Variants in PLAAT3 observed in about 807,000 individuals in gnomAD.
The protein encoded by PLAAT3 is Ca-independent phospholipase A1/2.
In PLAAT3, 21 loss-of-function variants were observed where a neutral mutation model predicts 16.7. The ratio of observed to expected loss-of-function variants is 1.26; its 90% CI spans 0.89 to 1.81. PLAAT3 has a LOEUF of 1.81. Among genes scored for constraint, PLAAT3 ranks in the 40% most tolerant of loss-of-function variants. The probability of loss-of-function intolerance (pLI) is 0.00; values close to 1 mark genes in which losing one functional copy is unlikely to be tolerated. For synonymous variants in PLAAT3, 76 were observed against 81.7 expected (o/e 0.93, Z 0.38); for missense variants, 219 against 213.7 (o/e 1.02, Z -0.16).
chr11:63,590,160 G>T lies in PLAAT3; in HGVS notation c.327C>A (p.Thr109=). 5.6e-6 allele frequency: 9 copies of T among 1,614,182 alleles called. No homozygotes were observed. Among genetic ancestry groups the T allele is most frequent in the Non-Finnish European group, 7.6e-6 (9 of 1,180,008 alleles). The change falls in exon 4 of 5, where the codon ACC becomes ACA. Residue 109 remains threonine (T), a synonymous_variant. Coordinates refer to ENST00000415826, the MANE Select transcript of PLAAT3 (RefSeq NM_001128203.2). ...TCACAAAGTGCTCGCAGTTCTCACT[G>T]GTCAGCTTGTAGAGCACCTCCTGCC... ...LVGQEVLYKL[T]SENCEHFVNE...
chr11:63,614,147 T>A, intron 1 of PLAAT3, 79 bp from the exon 2 acceptor site: 1 of 1,277,048 alleles, frequency 7.8e-7, no homozygotes, highest in South Asian at 1.2e-5. Flanking sequence ...CGGCTTCTGT[T>A]GGGCAGGGCG....
chr11:63,608,109 G>A (rs1203716266), intron 2 of PLAAT3, among the ~76,000 whole-genome samples: 4 of 152,198 alleles, frequency 2.6e-5, no homozygotes, highest in East Asian at 3.9e-4. Context: ...TTGAACCCGG[G>A]AGGCAGAGGT....
At chr11:63,588,982 A>G (rs112262832) in intron 4 of PLAAT3, among the ~76,000 whole-genome samples, 15 of 151,200 alleles carry the variant, frequency 9.9e-5, no homozygotes, top group Admixed American at 3.9e-4. Context: ...CCAAGCAAAA[A>G]AAAAAAAAAA....
chr11:63,603,201 T>C (rs1042014726), intron 2 of PLAAT3, among the ~76,000 whole-genome samples: 4 of 152,234 alleles, frequency 2.6e-5, no homozygotes. Flanking sequence ...GCTACTGCAC[T>C]GCCTTGTCAG....
At chr11:63,600,348 G>A (rs1182850788) in intron 2 of PLAAT3, among the ~76,000 whole-genome samples, 1 of 152,122 alleles carries the variant, frequency 6.6e-6, no homozygotes, top group Non-Finnish European at 1.5e-5. Context: ...TATTATAATG[G>A]TTCAGACAGA....
intron 2 of PLAAT3, among the ~76,000 whole-genome samples, chr11:63,605,496 C>T (rs1022927467): frequency 3.3e-5 from 5 of 152,174 alleles, no homozygotes; most frequent in African/African-American, 1.2e-4. Context: ...TGCTTCATCA[C>T]AAACATGTCC....
intron 4 of PLAAT3, among the ~76,000 whole-genome samples, chr11:63,586,957 G>A (rs1436846847): frequency 6.6e-6 from 1 of 152,152 alleles, no homozygotes; most frequent in African/African-American, 2.4e-5. Flanking sequence ...GGTGGCACAT[G>A]CCTTTATTCC....
chr11:63,601,599 C>T (rs898580390), intron 2 of PLAAT3, among the ~76,000 whole-genome samples: 1 of 152,120 alleles, frequency 6.6e-6, no homozygotes, highest in African/African-American at 2.4e-5. Context: ...TTGATGGTCA[C>T]TTGGCAAGTT....
chr11:63,615,140 G>GTCTATATGTGTA (rs1555047889), upstream of PLAAT3, among the ~76,000 whole-genome samples: 2 of 62,470 alleles, frequency 3.2e-5, no homozygotes, highest in Non-Finnish European at 3.3e-5. Flanking sequence ...ATGTATATGT[G>GTCTATATGTGTA]TATATGTGTG....
chr11:63,584,800 G>T (rs370060466), intron 4 of PLAAT3, among the ~76,000 whole-genome samples: 2 of 151,976 alleles, frequency 1.3e-5, no homozygotes, highest in Non-Finnish European at 2.9e-5. Context: ...GTGAGCCACC[G>T]CACCTGGCCA....
At chr11:63,595,736 T>G (rs533825711) in intron 3 of PLAAT3, among the ~76,000 whole-genome samples, 1 of 152,308 alleles carries the variant, frequency 6.6e-6, no homozygotes, top group East Asian at 1.9e-4. Flanking sequence ...TTTACTATGC[T>G]TGTACATTTT....
At chr11:63,601,629 T>C (rs530966476) in intron 2 of PLAAT3, among the ~76,000 whole-genome samples, 1 of 152,058 alleles carries the variant, frequency 6.6e-6, no homozygotes, top group Non-Finnish European at 1.5e-5. Flanking sequence ...TAAAAGACAC[T>C]GCGAAGTGGA....
chr11:63,598,249 G>T, intron 2 of PLAAT3, 86 bp from the exon 3 acceptor site: 1 of 873,484 alleles, frequency 1.1e-6, no homozygotes, highest in Non-Finnish European at 1.9e-6. Flanking sequence ...CAGCTGAGTG[G>T]TCCCCAGCTA....
In PLAAT3 at chr11:63,598,079, C is replaced by G. The variant is rs1214376009; in HGVS notation, c.100G>C (p.Val34Leu). Residue 34 changes from valine (V) to leucine (L), a missense_variant, in exon 3 of 5, where the codon GTT becomes CTT. Val to Leu is a conservative substitution (Grantham distance 32). Transcript: ENST00000415826. Reference sequence around the variant, plus strand: ...TTCTTACTTGGAGGGGCCAGATGAACCACATATCCATCGCCAACATAGATG... The same window carrying G: ...TTCTTACTTGGAGGGGCCAGATGAAGCACATATCCATCGCCAACATAGATG... ...WAIYVGDGYVVHLAPPSEVAG... is the reference protein window; with the variant it reads ...WAIYVGDGYVLHLAPPSEVAG... 1 of 1,612,184 alleles carries G rather than the reference C, an allele frequency of 6.2e-7. No individual in the cohort carries two copies.
At position 63,613,981 on chromosome 11, in the gene PLAAT3, C is replaced by G. The variant is rs767130107; in HGVS notation, c.15+19G>C. 9.2e-5 allele frequency: 141 copies of G among 1,530,164 alleles called. No homozygotes were observed. Among genetic ancestry groups the G allele is most frequent in the Non-Finnish European group, 1.2e-4 (132 of 1,104,342 alleles). 94.8% of individuals were successfully genotyped at this position (1,530,164 alleles called of 1,614,324 possible). ...GGGGGCTCCCAGCCCCGCCCAGCCC[C>G]GCCTCGCCCCGCACTTACAATGGGC... On this transcript the variant is annotated intron_variant, in intron 2 of 4. Transcript: ENST00000415826.
At chr11:63,599,123 C>T (rs1938362664) in intron 2 of PLAAT3, among the ~76,000 whole-genome samples, 1 of 152,172 alleles carries the variant, frequency 6.6e-6, no homozygotes, top group Non-Finnish European at 1.5e-5. Flanking sequence ...TCACTAGAAT[C>T]AGGGGTAAAG....
At chr11:63,597,177 A>G (rs2134416818) in intron 3 of PLAAT3, among the ~76,000 whole-genome samples, 1 of 151,868 alleles carries the variant, frequency 6.6e-6, no homozygotes, top group East Asian at 1.9e-4. Context: ...TTCTGCCATG[A>G]TGGTAAGTTT....
At chr11:63,606,135 C>T (rs1360204376) in intron 2 of PLAAT3, among the ~76,000 whole-genome samples, 1 of 152,106 alleles carries the variant, frequency 6.6e-6, no homozygotes, top group East Asian at 1.9e-4. Flanking sequence ...CCCTGGAGAA[C>T]CCCTTCACCT....
chr11:63,579,831 C>A (rs1224151184), intron 4 of PLAAT3, among the ~76,000 whole-genome samples: 1 of 146,884 alleles, frequency 6.8e-6, no homozygotes, highest in Non-Finnish European at 1.5e-5. Context: ...ATGTAACAAA[C>A]CTGCACGTTG....
Sources: allele counts gnomAD v4.1 joint callset (sites outside exome capture counted in the v4.1 genomes callset), GRCh38; gene constraint gnomAD v4.1.1; transcripts MANE v1.5; gene names NCBI Gene and HGNC (gene_info 2026-07-23, HGNC 2026-07-21).